Variants in RBM19 observed in about 807,000 individuals in gnomAD.
The protein encoded by RBM19 is probable RNA-binding protein 19.
In RBM19, 94 loss-of-function variants were observed where a neutral mutation model predicts 116.8. The ratio of observed to expected loss-of-function variants is 0.80; its 90% CI spans 0.68 to 0.95. The LOEUF (loss-of-function observed/expected upper bound fraction) is 0.95. RBM19 is among the 40% of genes least tolerant of loss of function. The pLI is 0.00. For synonymous variants in RBM19, 475 were observed against 494.1 expected (o/e 0.96, Z 0.51); for missense variants, 1,161 against 1,220.7 (o/e 0.95, Z 0.73).
chr12:113,956,576 CAAAA>C (rs10592306), intron 6 of RBM19, among the ~76,000 whole-genome samples: 38 of 66,208 alleles, frequency 5.7e-4, no homozygotes, highest in Admixed American at 2.1e-3. Context: ...AAGACTGTCT[CAAAA>C]AAAAAAAAAA....
At chr12:113,940,193 C>T (rs569847077) in intron 14 of RBM19, 33 bp from the exon 15 acceptor site, 4 of 1,591,564 alleles carry the variant, frequency 2.5e-6, no homozygotes, top group East Asian at 2.3e-5. Context: ...CATGGGACCA[C>T]AGGAGGGAGG....
chr12:113,935,647 G>A (rs1314823541), intron 16 of RBM19, among the ~76,000 whole-genome samples: 2 of 152,202 alleles, frequency 1.3e-5, no homozygotes, highest in South Asian at 2.1e-4. Flanking sequence ...AATGCCTTGC[G>A]CTGGCTGAGC....
In RBM19 at chr12:113,914,827, A is replaced by C; in HGVS notation, c.2558+142T>G. 5.3e-6 allele frequency: 4 copies of C among 750,006 alleles called. No homozygotes were observed. In the Admixed American group the frequency reaches 8.5e-5, roughly 16 times the overall value. The allele number at this position is 750,006 out of a possible 1,614,324, so 46.5% of individuals were successfully genotyped here. A position where few individuals can be genotyped will look rare whatever the true frequency, so the allele number is the denominator to read the frequency against. ...TCTGAGATTAAGGGAGATAAATCAA[A>C]AGCAGCCAAAAGATGACCTTTGAAA... On this transcript the variant is annotated intron_variant, in intron 21 of 23. Coordinates refer to ENST00000261741, the MANE Select transcript of RBM19 (RefSeq NM_016196.4).
chr12:113,821,732 C>T (rs1036032787), downstream of RBM19, among the ~76,000 whole-genome samples: 3 of 152,146 alleles, frequency 2.0e-5, no homozygotes, highest in East Asian at 1.9e-4. Flanking sequence ...CATGCCACTG[C>T]ACCCTGTCTC....
chr12:113,849,547 C>T (rs3782433), intron 22 of RBM19, among the ~76,000 whole-genome samples: 10,680 of 152,312 alleles, frequency 0.07, 673 homozygotes, highest in East Asian at 0.34. Context: ...GACATTTGGC[C>T]TTTTGAAACG....
intron 23 of RBM19, among the ~76,000 whole-genome samples, chr12:113,837,685 G>T (rs576483283): frequency 8.9e-4 from 135 of 152,344 alleles, no homozygotes; most frequent in African/African-American, 3.2e-3. Context: ...CAAATACTCG[G>T]TACAGCAGGA....
intron 17 of RBM19, among the ~76,000 whole-genome samples, chr12:113,925,638 C>T (rs1868998715): frequency 6.6e-6 from 1 of 152,226 alleles, no homozygotes; most frequent in Admixed American, 6.5e-5. Flanking sequence ...CGCAGGGCCT[C>T]AAGTGGACTG....
chr12:113,928,417 T>TACACACACACACACACAC (rs3066401), intron 16 of RBM19, among the ~76,000 whole-genome samples: 22 of 136,342 alleles, frequency 1.6e-4, no homozygotes, highest in South Asian at 5.4e-4. Context: ...TACATGTGCA[T>TACACACACACACACACAC]ACACACACAC....
At chr12:113,830,996 T>C (rs1875362928) in intron 23 of RBM19, among the ~76,000 whole-genome samples, 1 of 152,124 alleles carries the variant, frequency 6.6e-6, no homozygotes, top group Non-Finnish European at 1.5e-5. Flanking sequence ...CGGGGGAGAC[T>C]ACAGGGAGGG....
rs545774498 is a variant in RBM19, at chr12:113,959,543, G to C, written c.379-139C>G. 1,061 of 1,012,762 alleles carry C rather than the reference G, an allele frequency of 1.0e-3. 1 individual carries two copies. Among genetic ancestry groups the C allele is most frequent in the Non-Finnish European group, 1.4e-3 (1,011 of 705,268 alleles). 62.7% of individuals were successfully genotyped at this position (1,012,762 alleles called of 1,614,324 possible). A position where few individuals can be genotyped will look rare whatever the true frequency, so the allele number is the denominator to read the frequency against. On this transcript the variant is annotated intron_variant, in intron 4 of 23. Coordinates refer to ENST00000261741, the MANE Select transcript of RBM19 (RefSeq NM_016196.4). ...TCAAGCTAATTTCCCCCATTCTCTG[G>C]AGGACCCCGAGGTTCAGCTGGGTCA...
At chr12:113,924,167 T>G (rs1304618019) in intron 18 of RBM19, among the ~76,000 whole-genome samples, 1 of 152,218 alleles carries the variant, frequency 6.6e-6, no homozygotes, top group Non-Finnish European at 1.5e-5. Flanking sequence ...GAGGGTGCTC[T>G]CTGCCTGTCC....
At position 113,947,471 on chromosome 12, in the gene RBM19, A is replaced by T; in HGVS notation, c.1277-7T>A. The stretch of plus-strand genomic sequence containing the variant: ...TGGAGCTCAGACAGGGGACCTGAGG[A>T]CAGGAGAAGTGTCGGTCTCTGGTAG... On this transcript the variant is annotated splice_region_variant and splice_polypyrimidine_tract_variant and intron_variant, in intron 10 of 23. Coordinates refer to ENST00000261741, the MANE Select transcript of RBM19 (RefSeq NM_016196.4). 1.9e-6 allele frequency: 3 copies of T among 1,590,522 alleles called. No individual in the cohort carries two copies. Among genetic ancestry groups the T allele is most frequent in the Non-Finnish European group, 2.6e-6 (3 of 1,161,140 alleles).
chr12:113,818,672 G>A (rs1874221268), downstream of RBM19, among the ~76,000 whole-genome samples: 1 of 152,208 alleles, frequency 6.6e-6, no homozygotes, highest in Middle Eastern at 3.2e-3. Flanking sequence ...ATCCAATGAG[G>A]CAGGAATTCC....
At chr12:113,830,386 G>C (rs975101722) in intron 23 of RBM19, among the ~76,000 whole-genome samples, 3 of 152,094 alleles carry the variant, frequency 2.0e-5, no homozygotes, top group African/African-American at 7.2e-5. Flanking sequence ...TAATCTTGGT[G>C]CTGAGGACCT....
chr12:113,824,534 C>G (rs1874693313), intron 23 of RBM19, among the ~76,000 whole-genome samples: 1 of 152,068 alleles, frequency 6.6e-6, no homozygotes, highest in South Asian at 2.1e-4. Context: ...TCCAAATCCC[C>G]TCCCTTTCCA....
chr12:113,873,894 G>A (rs1374695511), intron 21 of RBM19, among the ~76,000 whole-genome samples: 1 of 152,202 alleles, frequency 6.6e-6, no homozygotes, highest in Non-Finnish European at 1.5e-5. Context: ...CAAGTGGGGA[G>A]TGCTGTGCCC....
intron 21 of RBM19, among the ~76,000 whole-genome samples, chr12:113,907,306 G>A (rs1419113028): frequency 6.6e-6 from 1 of 152,142 alleles, no homozygotes; most frequent in African/African-American, 2.4e-5. Context: ...TAGAACATAA[G>A]AGCCACGAGG....
chr12:113,897,410 T>C (rs1401361214), intron 21 of RBM19, among the ~76,000 whole-genome samples: 1 of 152,176 alleles, frequency 6.6e-6, no homozygotes, highest in African/African-American at 2.4e-5. Flanking sequence ...AAGTAATCCA[T>C]CTACTTTGGC....
intron 12 of RBM19, among the ~76,000 whole-genome samples, 163 bp from the exon 13 acceptor site, chr12:113,946,087 C>T (rs73401038): frequency 3.9e-5 from 6 of 152,044 alleles, no homozygotes; most frequent in Non-Finnish European, 5.9e-5. Flanking sequence ...GACAACAAGA[C>T]GGATGATGAC....
Sources: gnomAD v4.1 joint callset for allele counts (sites outside exome capture counted in the v4.1 genomes callset) on GRCh38, gnomAD v4.1.1 for gene constraint, MANE v1.5 for transcripts, NCBI Gene and HGNC (gene_info 2026-07-23, HGNC 2026-07-21) for gene names.